RNF6: variants seen among roughly 807,000 people sequenced by gnomAD.
The protein encoded by RNF6 is ring finger protein 6, also known as E3 ubiquitin-protein ligase RNF6.
In RNF6, 21 loss-of-function variants were observed where a neutral mutation model predicts 50.1. The ratio of observed to expected loss-of-function variants is 0.42; its 90% confidence interval spans 0.30 to 0.60. The LOEUF is 0.60. Ranked by LOEUF, RNF6 falls within the 20% of genes least tolerant of loss-of-function variation. RNF6 has a pLI of 0.20. For missense variants in RNF6, 698 were observed against 838.2 expected (o/e 0.83, Z 2.07); for synonymous variants, 255 against 291.8 (o/e 0.87, Z 1.29).
At chr13:26,191,273 A>G (rs1055125035) in intron 5 of RNF6, among the ~76,000 whole-genome samples, 2 of 151,610 alleles carry the variant, frequency 1.3e-5, no homozygotes, top group Non-Finnish European at 3.0e-5. Flanking sequence ...TGGATTAAAT[A>G]TATCTAAATG....
chr13:26,217,357 G>C (rs183734173), intron 4 of RNF6, among the ~76,000 whole-genome samples: 1 of 152,328 alleles, frequency 6.6e-6, no homozygotes, highest in Non-Finnish European at 1.5e-5. Context: ...TAGTGATGAT[G>C]GTGCATGTGA....
intron 5 of RNF6, among the ~76,000 whole-genome samples, chr13:26,178,210 T>A (rs1017631207): frequency 1.3e-5 from 2 of 151,966 alleles, no homozygotes; most frequent in Non-Finnish European, 2.9e-5. Flanking sequence ...TTAAATAAAA[T>A]CCCTTAATTG....
At chr13:26,207,271 G>A (rs1438589773) in intron 5 of RNF6, among the ~76,000 whole-genome samples, 10 of 152,016 alleles carry the variant, frequency 6.6e-5, no homozygotes, top group Non-Finnish European at 1.2e-4. Flanking sequence ...GATACCCTGC[G>A]AGGGATCCTA....
chr13:26,154,091 G>A (rs1871781073), intron 5 of RNF6: 1 of 152,184 alleles, frequency 6.6e-6, no homozygotes, highest in African/African-American at 2.4e-5. Context: ...ATATAGCAAT[G>A]AACAAGAAGA....
chr13:26,151,552 C>A (rs1871590856), intron 5 of RNF6, among the ~76,000 whole-genome samples: 1 of 152,010 alleles, frequency 6.6e-6, no homozygotes, highest in African/African-American at 2.4e-5. Flanking sequence ...CGCGAGCCAC[C>A]GCGCCCGGCC....
chr13:26,192,228 G>A (rs1274206551), intron 5 of RNF6, among the ~76,000 whole-genome samples: 1 of 152,234 alleles, frequency 6.6e-6, no homozygotes, highest in Non-Finnish European at 1.5e-5. Context: ...AAAGGCAGAA[G>A]CAGGGAGACC....
chr13:26,142,791 A>T (rs1240267829), intron 5 of RNF6, among the ~76,000 whole-genome samples: 1 of 152,164 alleles, frequency 6.6e-6, no homozygotes, highest in African/African-American at 2.4e-5. Flanking sequence ...TACCTGGGTG[A>T]TGGGATCAAT....
Position 26,162,608 on chromosome 13 carries a change from A to G in RNF6, n.769-30157T>C, listed in dbSNP as rs1872265494. On this transcript the variant is annotated intron_variant and non_coding_transcript_variant, in intron 5 of 5. Transcript: ENST00000468480. Reference sequence around the variant, plus strand: ...ATTCATTAAGGCATGCTTTTCCTCAATGGATGAGAATACTATTTCCTATGA... The same window carrying G: ...ATTCATTAAGGCATGCTTTTCCTCAGTGGATGAGAATACTATTTCCTATGA... Among the ~76,000 whole-genome samples, 3 of 152,190 alleles carry G rather than the reference A, an allele frequency of 2.0e-5. No individual in the cohort carries two copies. In the South Asian group the frequency reaches 6.2e-4, roughly 31 times the overall value.
intron 5 of RNF6, among the ~76,000 whole-genome samples, chr13:26,187,393 T>C (rs1259089593): frequency 6.6e-6 from 1 of 152,234 alleles, no homozygotes; most frequent in Non-Finnish European, 1.5e-5. Flanking sequence ...AGTGTGAGAA[T>C]GTCAGCCCGT....
chr13:26,219,272 C>A (rs916994353), intron 3 of RNF6, 185 bp downstream of exon 3: 2 of 521,608 alleles, frequency 3.8e-6, no homozygotes, highest in Admixed American at 7.0e-5. Context: ...CTATTTTCAC[C>A]TTATAAAATA....
chr13:26,155,568 T>C (rs914833055), intron 5 of RNF6, among the ~76,000 whole-genome samples: 1 of 152,210 alleles, frequency 6.6e-6, no homozygotes, highest in Non-Finnish European at 1.5e-5. Flanking sequence ...GGGGAAATTA[T>C]GAGCGTCATC....
intron 5 of RNF6, among the ~76,000 whole-genome samples, chr13:26,170,352 G>A (rs1036527915): frequency 8.5e-5 from 13 of 152,190 alleles, no homozygotes; most frequent in African/African-American, 2.6e-4. Flanking sequence ...CTTTGTTACC[G>A]AAGAATTTCC....
intron 5 of RNF6, among the ~76,000 whole-genome samples, chr13:26,169,846 C>T (rs1345751107): frequency 6.6e-6 from 1 of 152,140 alleles, no homozygotes; most frequent in African/African-American, 2.4e-5. Context: ...TCCCTATGCC[C>T]ACCTGACTCT....
In RNF6 at chr13:26,213,950, C is replaced by T. The variant is rs754717341; in HGVS notation, c.1932G>A (p.Lys644=). The T allele has an allele frequency of 6.2e-6, 10 of 1,614,062 alleles. No homozygotes were observed. The South Asian group carries it at 9.9e-5, about 16-fold the overall frequency. ...CATGCATGCAAGGTAATTGCCTGAG[C>T]TTGTTTCCAGTTACATAGTCACTAA... ...VCISDYVTGN[K]LRQLPCMHEF... is the part of the protein sequence containing the mutation. The change falls in exon 5 of 5, where the codon AAG becomes AAA. Residue 644 remains lysine, a synonymous_variant. Transcript: ENST00000381588.
intron 5 of RNF6, among the ~76,000 whole-genome samples, chr13:26,196,515 C>T (rs1868671053): frequency 6.7e-6 from 1 of 149,932 alleles, no homozygotes; most frequent in South Asian, 2.1e-4. Context: ...AGCCAGTAAT[C>T]CCAACTACTT....
At chr13:26,171,585 G>A (rs890558446) in intron 5 of RNF6, among the ~76,000 whole-genome samples, 6 of 152,116 alleles carry the variant, frequency 3.9e-5, no homozygotes, top group South Asian at 2.1e-4. Flanking sequence ...ATTCAAACAG[G>A]TACTTGCACA....
At chr13:26,143,544 C>T (rs1871070106) in intron 5 of RNF6, among the ~76,000 whole-genome samples, 1 of 152,142 alleles carries the variant, frequency 6.6e-6, no homozygotes, top group African/African-American at 2.4e-5. Flanking sequence ...TAGTGACTCA[C>T]TAGGGGTAAT....
chr13:26,208,789 A>T (rs1436479514), downstream of RNF6, among the ~76,000 whole-genome samples: 1 of 152,202 alleles, frequency 6.6e-6, no homozygotes, highest in East Asian at 1.9e-4. Context: ...GATCCTACAG[A>T]CAAAAATGAA....
rs745608483 is a variant in RNF6 at position 26,215,514 on chromosome 13, G to C, written c.368C>G (p.Ala123Gly). 1.2e-6 allele frequency: 2 copies of C among 1,613,672 alleles called. No individual in the cohort carries two copies. Among genetic ancestry groups the C allele is most frequent in the South Asian group, 2.2e-5 (2 of 91,084 alleles). Reference sequence around the variant, plus strand: ...GTTCCCATTTTGTCCACTTCGAGTTGCATTTCCTGTGCGCCGAAAGGTGTT... The same window carrying C: ...GTTCCCATTTTGTCCACTTCGAGTTCCATTTCCTGTGCGCCGAAAGGTGTT... Reference protein sequence around the residue: ...WLNTFRRTGNATRSGQNGNQT... With the variant: ...WLNTFRRTGNGTRSGQNGNQT... The change falls in exon 5 of 5, where the codon GCA becomes GGA. Residue 123 changes from alanine to glycine, a missense_variant. Physicochemically the swap from Ala to Gly is moderately conservative, Grantham distance 60. Coordinates refer to ENST00000381588, the MANE Select transcript of RNF6 (RefSeq NM_005977.4).
Sources: gnomAD v4.1 joint callset for allele counts (sites outside exome capture counted in the v4.1 genomes callset) on GRCh38, gnomAD v4.1.1 for gene constraint, MANE v1.5 for transcripts, NCBI Gene and HGNC (gene_info 2026-07-23, HGNC 2026-07-21) for gene names.